The following PLCB1 variants were observed in gnomAD, a reference collection of about 807,000 sequenced individuals.
PLCB1 encodes the protein 1-phosphatidylinositol 4,5-bisphosphate phosphodiesterase beta-1.
Under a neutral mutation model 161.8 loss-of-function variants are expected in PLCB1, and 46 were observed. The ratio of observed to expected loss-of-function variants is 0.28; its 90% CI spans 0.22 to 0.36. PLCB1 has a LOEUF of 0.36. PLCB1 is among the 10% of genes least tolerant of loss of function. The pLI is 1.00. For missense variants in PLCB1, 1,016 were observed against 1,472.5 expected (o/e 0.69, Z 5.07); for synonymous variants, 517 against 503.7 (o/e 1.03, Z -0.35).
At chr20:8,315,340 G>T (rs1319690907) in intron 2 of PLCB1, among the ~76,000 whole-genome samples, 1 of 152,192 alleles carries the variant, frequency 6.6e-6, no homozygotes, top group Non-Finnish European at 1.5e-5. Context: ...GAGAAGTGGG[G>T]ACACTTTAGT....
At chr20:8,458,963 A>C (rs1431270270) in intron 3 of PLCB1, among the ~76,000 whole-genome samples, 1 of 152,226 alleles carries the variant, frequency 6.6e-6, no homozygotes, top group African/African-American at 2.4e-5. Context: ...ATGAAGAATA[A>C]AATGTGAATT....
chr20:8,517,684 G>C (rs924578499), intron 3 of PLCB1, among the ~76,000 whole-genome samples: 1 of 152,162 alleles, frequency 6.6e-6, no homozygotes, highest in Non-Finnish European at 1.5e-5. Context: ...ATGGGACCGG[G>C]GCTCAGATGT....
intron 31 of PLCB1, among the ~76,000 whole-genome samples, chr20:8,793,541 A>T (rs1005753239): frequency 4.7e-5 from 4 of 85,806 alleles, no homozygotes; most frequent in Non-Finnish European, 1.0e-4. Flanking sequence ...AGGATCCGTG[A>T]TGCCCCCACA....
At chr20:8,790,870 C>T (rs1333098621) in intron 31 of PLCB1, among the ~76,000 whole-genome samples, 1 of 152,006 alleles carries the variant, frequency 6.6e-6, no homozygotes, top group Non-Finnish European at 1.5e-5. Flanking sequence ...TTGAGGTTAC[C>T]AAATGGCATC....
intron 19 of PLCB1, among the ~76,000 whole-genome samples, chr20:8,736,677 A>G (rs1426674854): frequency 1.3e-5 from 2 of 152,134 alleles, no homozygotes; most frequent in East Asian, 3.9e-4. Flanking sequence ...TGAAGGGAGA[A>G]GAGAGAGAGT....
intron 2 of PLCB1, among the ~76,000 whole-genome samples, chr20:8,157,474 G>A (rs2051574050): frequency 6.6e-6 from 1 of 152,122 alleles, no homozygotes; most frequent in African/African-American, 2.4e-5. Context: ...CTAAGCCAAG[G>A]TTCAGATTGC....
intron 3 of PLCB1, among the ~76,000 whole-genome samples, chr20:8,541,562 G>GAAAGAAAGAAAGAA (rs1555769018): frequency 5.2e-5 from 6 of 114,346 alleles, no homozygotes; most frequent in African/African-American, 1.9e-4. Context: ...AAGGAAGAAA[G>GAAAGAAAGAAAGAA]AGAAAGAAAG....
intron 3 of PLCB1, among the ~76,000 whole-genome samples, chr20:8,466,248 C>T (rs1023116598): frequency 6.7e-6 from 1 of 150,372 alleles, no homozygotes; most frequent in Non-Finnish European, 1.5e-5. Context: ...ACCACATATT[C>T]TCGCTCATAG....
chr20:8,465,708 A>G (rs1981788683), intron 3 of PLCB1, among the ~76,000 whole-genome samples: 1 of 152,044 alleles, frequency 6.6e-6, no homozygotes, highest in African/African-American at 2.4e-5. Flanking sequence ...ATGCAGCCAA[A>G]AAACACATGA....
At chr20:8,850,130 G>A (rs34719854) in intron 31 of PLCB1, among the ~76,000 whole-genome samples, 18,612 of 152,280 alleles carry the variant, frequency 0.12, 1,388 homozygotes, top group South Asian at 0.22. Context: ...ATTTAGAGCT[G>A]TGTGACTCCC....
At chr20:8,759,848 G>A (rs1305258303) in intron 24 of PLCB1, among the ~76,000 whole-genome samples, 1 of 149,930 alleles carries the variant, frequency 6.7e-6, no homozygotes, top group African/African-American at 2.5e-5. Context: ...GTTCCAAGTG[G>A]ATGTCTTTTC....
Position 8,881,840 on chromosome 20 carries a change from T to A in PLCB1, c.3642T>A (p.Thr1214=). Residue 1214 remains threonine, a synonymous_variant, in exon 32 of 32, where the codon ACT becomes ACA. Transcript: ENST00000338037. ...GGDIPGKEFD[T]PL is the part of the protein sequence containing the mutation. ...ACATCCCAGGAAAAGAATTTGATACTCCTCTGTGAATGCTCCTGCCAGGCC... is the reference window on the plus strand; with the variant it reads ...ACATCCCAGGAAAAGAATTTGATACACCTCTGTGAATGCTCCTGCCAGGCC... 6.2e-7 allele frequency: 1 copy of A among 1,609,560 alleles called. No homozygotes were observed. The highest frequency in any genetic ancestry group is 8.5e-7 in the Non-Finnish European group (1 of 1,175,932).
intron 3 of PLCB1, among the ~76,000 whole-genome samples, chr20:8,443,202 G>A (rs1249744049): frequency 6.6e-6 from 1 of 152,058 alleles, no homozygotes; most frequent in Non-Finnish European, 1.5e-5. Context: ...GACTGGTCTT[G>A]AACTCCTGAC....
chr20:8,699,431 C>T (rs562911380), intron 11 of PLCB1, among the ~76,000 whole-genome samples: 1 of 152,126 alleles, frequency 6.6e-6, no homozygotes, highest in Non-Finnish European at 1.5e-5. Context: ...ATAAGGGTGG[C>T]TCAGTAGATG....
chr20:8,162,040 A>G (rs2051630423), intron 2 of PLCB1, among the ~76,000 whole-genome samples: 1 of 152,198 alleles, frequency 6.6e-6, no homozygotes, highest in African/African-American at 2.4e-5. Flanking sequence ...TTAGTAAGGC[A>G]ATAAATTACT....
rs73897330 is a variant in PLCB1 at position 8,218,440 on chromosome 20, G to A, written c.177+68069G>A. Among the ~76,000 whole-genome samples the A allele has an allele frequency of 6.7e-3, 1,019 of 152,200 alleles. 18 individuals are homozygous for A. Among genetic ancestry groups the A allele is most frequent in the African/African-American group, 0.023 (958 of 41,538 alleles). ...TACACAGAAAAGCGTTGATTCTGGAGCCAGACTGCCTAGTTCAAATTTCAG... is the reference window on the plus strand; with the variant it reads ...TACACAGAAAAGCGTTGATTCTGGAACCAGACTGCCTAGTTCAAATTTCAG... On this transcript the variant is annotated intron_variant, in intron 2 of 31. Transcript: ENST00000338037.
chr20:8,421,277 G>A (rs889738979), intron 3 of PLCB1, among the ~76,000 whole-genome samples: 4 of 152,160 alleles, frequency 2.6e-5, no homozygotes, highest in African/African-American at 7.2e-5. Flanking sequence ...CCTTCTTGCC[G>A]AGAAAATTTG....
chr20:8,790,846 G>A (rs1983722781), intron 31 of PLCB1, among the ~76,000 whole-genome samples: 1 of 152,118 alleles, frequency 6.6e-6, no homozygotes, highest in African/African-American at 2.4e-5. Context: ...CTGAGTATCT[G>A]TAGATCAAAT....
chr20:8,760,400 A>G lies in PLCB1; in HGVS notation c.2657-7A>G, dbSNP rs1367571642. On this transcript the variant is annotated splice_region_variant and splice_polypyrimidine_tract_variant and intron_variant, in intron 24 of 31. Transcript: ENST00000338037. ...AGAGGCTATTTATTTTATCTTTTAT[A>G]TTACAGGTTCTGTAAAGGCACCTGC... is the stretch of plus-strand genomic sequence containing the variant. 2 of 1,580,862 alleles carry G rather than the reference A, an allele frequency of 1.3e-6. No individual in the cohort carries two copies.
Sources: allele counts gnomAD v4.1 joint callset (sites outside exome capture counted in the v4.1 genomes callset), GRCh38; gene constraint gnomAD v4.1.1; transcripts MANE v1.5; gene names NCBI Gene and HGNC (gene_info 2026-07-23, HGNC 2026-07-21).